Variants in KIF16B observed in about 807,000 individuals in gnomAD.
The protein encoded by KIF16B is kinesin family member 16B, also known as kinesin-like protein KIF16B.
KIF16B carries 98 observed loss-of-function variants against 156.3 expected under a neutral mutation model. That is an observed-to-expected ratio of 0.63 (90% CI 0.53 to 0.74). The LOEUF (loss-of-function observed/expected upper bound fraction) is 0.74. Among genes scored for constraint, KIF16B ranks in the 30% least tolerant of loss-of-function variants. The pLI is 0.00. For missense variants in KIF16B, 1,421 were observed against 1,606.5 expected (o/e 0.88, Z 1.97); for synonymous variants, 564 against 583.7 (o/e 0.97, Z 0.49).
chr20:16,381,777 T>C (rs958031890), intron 17 of KIF16B, 30 bp from the exon 18 acceptor site: 1 of 1,574,762 alleles, frequency 6.4e-7, no homozygotes, highest in Non-Finnish European at 8.7e-7. Flanking sequence ...ATGAGTCACT[T>C]TTCTAAAGAG....
chr20:16,411,590 A>G (rs1030939167), intron 15 of KIF16B, among the ~76,000 whole-genome samples: 1 of 152,024 alleles, frequency 6.6e-6, no homozygotes, highest in East Asian at 1.9e-4. Context: ...AGAAAAAAAA[A>G]CCCACAGTGA....
intron 4 of KIF16B, among the ~76,000 whole-genome samples, chr20:16,513,722 C>T (rs1468033794): frequency 3.3e-5 from 5 of 151,056 alleles, no homozygotes; most frequent in Non-Finnish European, 5.9e-5. Flanking sequence ...GTAACCCCTA[C>T]CCTGGCCTTC....
In KIF16B at chr20:16,434,163, T is replaced by A. The variant is rs532062910; in HGVS notation, c.1303-4181A>T. Among the ~76,000 whole-genome samples, 10 of 152,316 alleles carry A rather than the reference T, an allele frequency of 6.6e-5. No homozygotes were observed. The South Asian group carries it at 2.1e-3, about 32-fold the overall frequency. ...ATTTACAAATGATATGCTCCATATG[T>A]TTTTCTTCAACCTCCAGGCATCTAT... On this transcript the variant is annotated intron_variant, in intron 12 of 25. Coordinates refer to ENST00000354981, the MANE Select transcript of KIF16B (RefSeq NM_024704.5).
chr20:16,491,088 G>A lies in KIF16B; in HGVS notation c.1302+3203C>T, dbSNP rs544010970. Among the ~76,000 whole-genome samples the A allele has an allele frequency of 1.8e-4, 28 of 152,312 alleles. No homozygotes were observed. In the South Asian group the frequency reaches 3.9e-3, roughly 21 times the overall value. Reference sequence around the variant, plus strand: ...AAAGAAAATTCATCCTAACTGGGAAGTAGGGGAGAAGAGGAGTGATCGGGG... The same window carrying A: ...AAAGAAAATTCATCCTAACTGGGAAATAGGGGAGAAGAGGAGTGATCGGGG... On this transcript the variant is annotated intron_variant, in intron 12 of 25. Coordinates refer to ENST00000354981, the MANE Select transcript of KIF16B (RefSeq NM_024704.5).
intron 22 of KIF16B, chr20:16,368,977 G>C: frequency 2.0e-6 from 2 of 985,850 alleles, no homozygotes; most frequent in Non-Finnish European, 1.2e-6. Context: ...AGAGATTTTA[G>C]GTAGATTAAA....
rs1201119898 is a variant in KIF16B at position 16,573,357 on chromosome 20, G to A, written c.-82C>T. 6 of 1,482,078 alleles carry A rather than the reference G, an allele frequency of 4.0e-6. No individual in the cohort carries two copies. The highest frequency in any genetic ancestry group is 5.6e-6 in the Non-Finnish European group (6 of 1,080,340). The allele number at this position is 1,482,078 out of a possible 1,614,324, so 91.8% of individuals were successfully genotyped here. ...CGGCGACGCTGGCTACTCAGATCGC[G>A]GCTCCCGCCCACTTCCCTCTCGCCC... On this transcript the variant is annotated 5_prime_UTR_variant, in exon 1 of 26. Transcript: ENST00000354981.
chr20:16,410,106 T>C (rs2065904058), intron 15 of KIF16B, among the ~76,000 whole-genome samples: 2 of 127,192 alleles, frequency 1.6e-5, no homozygotes, highest in Non-Finnish European at 3.4e-5. Context: ...TATATATATA[T>C]GTAGGTACAT....
chr20:16,488,924 G>A (rs1014615359), intron 12 of KIF16B, among the ~76,000 whole-genome samples: 1 of 152,228 alleles, frequency 6.6e-6, no homozygotes, highest in Non-Finnish European at 1.5e-5. Context: ...GAGCCTGCAT[G>A]TGGAACACAC....
chr20:16,469,911 TG>T (rs377275531), intron 12 of KIF16B, among the ~76,000 whole-genome samples: 3 of 152,094 alleles, frequency 2.0e-5, no homozygotes, highest in African/African-American at 7.2e-5. Flanking sequence ...TGCCAAATCG[TG>T]GAAGCAACCC....
chr20:16,281,471 G>A (rs2063145328), intron 25 of KIF16B, among the ~76,000 whole-genome samples: 1 of 152,182 alleles, frequency 6.6e-6, no homozygotes, highest in East Asian at 1.9e-4. Flanking sequence ...CCCTGGCTAT[G>A]TATCACGCAT....
At chr20:16,313,526 G>A (rs987853245) in intron 24 of KIF16B, among the ~76,000 whole-genome samples, 1 of 152,132 alleles carries the variant, frequency 6.6e-6, no homozygotes, top group East Asian at 1.9e-4. Flanking sequence ...ACCAGCACTC[G>A]CATCAAGAAG....
At chr20:16,506,732 T>C in intron 7 of KIF16B, among the ~76,000 whole-genome samples, 1 of 152,186 alleles carries the variant, frequency 6.6e-6, no homozygotes, top group Non-Finnish European at 1.5e-5. Flanking sequence ...ATCTATGTGT[T>C]ACATTTTGAA....
intron 6 of KIF16B, among the ~76,000 whole-genome samples, chr20:16,509,808 G>A (rs1050704470): frequency 1.5e-4 from 23 of 152,012 alleles, no homozygotes; most frequent in Admixed American, 1.4e-3. Context: ...CAAGTATGAT[G>A]TTTTATTTTG....
intron 22 of KIF16B, among the ~76,000 whole-genome samples, chr20:16,360,280 A>G (rs1207633974): frequency 2.0e-5 from 3 of 152,154 alleles, no homozygotes; most frequent in Non-Finnish European, 4.4e-5. Context: ...TCTTAAATTT[A>G]TTTTTGATTT....
chr20:16,401,938 T>C (rs1447167960), intron 17 of KIF16B, among the ~76,000 whole-genome samples: 1 of 152,214 alleles, frequency 6.6e-6, no homozygotes, highest in African/African-American at 2.4e-5. Flanking sequence ...TTCAGGTTAC[T>C]CTCTTGCTTA....
chr20:16,407,364 C>T (rs1012413234), intron 15 of KIF16B, among the ~76,000 whole-genome samples: 2 of 152,108 alleles, frequency 1.3e-5, no homozygotes, highest in African/African-American at 4.8e-5. Flanking sequence ...TGAGAGTCTA[C>T]AATGCCTCAG....
At chr20:16,527,917 G>T (rs956236031) in intron 2 of KIF16B, among the ~76,000 whole-genome samples, 3 of 151,828 alleles carry the variant, frequency 2.0e-5, no homozygotes, top group Non-Finnish European at 2.9e-5. Context: ...AAATTTGGTG[G>T]TTTTTTTTAA....
chr20:16,504,493 G>A lies in KIF16B; in HGVS notation c.1055C>T (p.Ala352Val). 1 of 1,613,958 alleles carries A rather than the reference G, an allele frequency of 6.2e-7. No individual in the cohort carries two copies. Among genetic ancestry groups the A allele is most frequent in the Non-Finnish European group, 8.5e-7 (1 of 1,179,914 alleles). The change falls in exon 10 of 26, where the codon GCA becomes GTA. Residue 352 changes from alanine to valine, a missense_variant. Coordinates refer to ENST00000354981, the MANE Select transcript of KIF16B (RefSeq NM_024704.5). Reference protein sequence around the residue: ...YGETLSTLRYANRAKNIINKP... With the variant: ...YGETLSTLRYVNRAKNIINKP... Reference sequence around the variant, plus strand: ...GTTGATGATGTTTTTGGCTCTATTTGCATAGCGAAGAGTACTTAGGGTTTC... The same window carrying A: ...GTTGATGATGTTTTTGGCTCTATTTACATAGCGAAGAGTACTTAGGGTTTC...
chr20:16,325,866 T>TCTTTTG (rs1282987574), intron 24 of KIF16B, among the ~76,000 whole-genome samples: 9 of 151,556 alleles, frequency 5.9e-5, no homozygotes, highest in Admixed American at 5.9e-4. Context: ...AAAGAACAAA[T>TCTTTTG]CTAGAGGTGT....
Sources: allele counts gnomAD v4.1 joint callset (sites outside exome capture counted in the v4.1 genomes callset), GRCh38; gene constraint gnomAD v4.1.1; transcripts MANE v1.5; gene names NCBI Gene and HGNC (gene_info 2026-07-23, HGNC 2026-07-21).